Variants in ZNF236 observed in about 807,000 individuals in gnomAD.
ZNF236 encodes the protein regulated by glucose.
ZNF236 carries 50 observed loss-of-function variants against 191.2 expected under a neutral mutation model. That is an observed-to-expected ratio of 0.26 (90% CI 0.21 to 0.33). The LOEUF is 0.33. ZNF236 is among the 10% of genes least tolerant of loss of function. The pLI, the probability that ZNF236 is intolerant of heterozygous loss-of-function variation, is 1.00. For synonymous variants in ZNF236, 907 were observed against 928.8 expected (o/e 0.98, Z 0.43); for missense variants, 1,754 against 2,374.5 (o/e 0.74, Z 5.43).
chr18:76,824,031 C>A, intron 1 of ZNF236: 4 of 363,888 alleles, frequency 1.1e-5, no homozygotes, highest in Middle Eastern at 8.4e-4. Context: ...TATACCTTGA[C>A]TGCCGTTGAT....
Position 76,946,917 on chromosome 18 carries a change from A to G in ZNF236, c.4783-604A>G, listed in dbSNP as rs922565979. 3.9e-5 allele frequency among the ~76,000 whole-genome samples: 6 copies of G among 152,252 alleles called. No homozygotes were observed. The East Asian group carries it at 9.6e-4, about 24-fold the overall frequency. ...TTCACCTAATTATTTAAAGTATACAATTGAATGGTTTTCAGTGTATTTACA... is the reference window on the plus strand; with the variant it reads ...TTCACCTAATTATTTAAAGTATACAGTTGAATGGTTTTCAGTGTATTTACA... On this transcript the variant is annotated intron_variant, in intron 26 of 30. Coordinates refer to ENST00000320610, the MANE Select transcript of ZNF236 (RefSeq NM_001306089.2).
At chr18:76,939,233 TGAGGCAA>T (rs2122885855) in intron 26 of ZNF236, among the ~76,000 whole-genome samples, 1 of 152,248 alleles carries the variant, frequency 6.6e-6, no homozygotes, top group East Asian at 1.9e-4. Context: ...CTTGGGAGTC[TGAGGCAA>T]GAGAATCACT....
At chr18:76,860,479 TC>T (rs1186148246) in intron 3 of ZNF236, among the ~76,000 whole-genome samples, 1 of 152,232 alleles carries the variant, frequency 6.6e-6, no homozygotes, top group African/African-American at 2.4e-5. Flanking sequence ...TTGAAAACCT[TC>T]CCTTCGTCCT....
At chr18:76,914,324 G>T (rs1268553904) in intron 18 of ZNF236, among the ~76,000 whole-genome samples, 1 of 152,158 alleles carries the variant, frequency 6.6e-6, no homozygotes, top group Non-Finnish European at 1.5e-5. Context: ...CCATTCATCG[G>T]GTGATGGACA....
intron 1 of ZNF236, among the ~76,000 whole-genome samples, chr18:76,839,109 C>T (rs1325891374): frequency 6.6e-6 from 1 of 152,244 alleles, no homozygotes; most frequent in East Asian, 1.9e-4. Flanking sequence ...TCTCCTCCAA[C>T]ATATTTGCCC....
Position 76,918,444 on chromosome 18 carries a change from A to G in ZNF236, c.3275-1332A>G, listed in dbSNP as rs560146966. Among the ~76,000 whole-genome samples, 528 of 152,256 alleles carry G rather than the reference A, an allele frequency of 3.5e-3. 4 individuals are homozygous for G. Among genetic ancestry groups the G allele is most frequent in the Admixed American group, 5.4e-3 (82 of 15,284 alleles). On this transcript the variant is annotated intron_variant, in intron 19 of 30. Coordinates refer to ENST00000320610, the MANE Select transcript of ZNF236 (RefSeq NM_001306089.2). The stretch of plus-strand genomic sequence containing the variant: ...GTAAATAGTTTGGGGTTCTTTTGAG[A>G]AACAGGGTCTCACTCTGTCACCCAG...
At chr18:76,824,235 T>A in intron 1 of ZNF236, 1 of 763,208 alleles carries the variant, frequency 1.3e-6, no homozygotes, top group Admixed American at 1.8e-5. Flanking sequence ...CAATGTAAAC[T>A]TATTCATAGG....
intron 27 of ZNF236, 122 bp downstream of exon 27, chr18:76,947,774 G>C: frequency 3.2e-6 from 4 of 1,236,786 alleles, no homozygotes; most frequent in Non-Finnish European, 2.2e-6. Context: ...GCTGACTTCT[G>C]AGGTGTCCCC....
At chr18:76,838,096 C>T (rs1215250504) in intron 1 of ZNF236, among the ~76,000 whole-genome samples, 3 of 152,212 alleles carry the variant, frequency 2.0e-5, no homozygotes. Flanking sequence ...CTCAAATACT[C>T]ATCATCACAT....
chr18:76,955,756 C>T (rs1201028401), intron 27 of ZNF236, among the ~76,000 whole-genome samples: 3 of 152,164 alleles, frequency 2.0e-5, no homozygotes, highest in Admixed American at 6.5e-5. Context: ...AGAGCTCATT[C>T]CTTAGCTGCT....
rs1968890973 is a variant in ZNF236 at position 76,970,492 on chromosome 18, T to G, written c.*2153T>G. 1.3e-5 allele frequency: 2 copies of G among 152,686 alleles called. No homozygotes were observed. Among genetic ancestry groups the G allele is most frequent in the South Asian group, 4.1e-4 (2 of 4,834 alleles). 9.5% of individuals were successfully genotyped at this position (152,686 alleles called of 1,614,324 possible). On this transcript the variant is annotated 3_prime_UTR_variant, in exon 31 of 31. Transcript: ENST00000320610. ...ACTTCCTAATTATAAAAGCTGCTTT[T>G]TTGCAGAACATTCCTTGAAAATATA...
chr18:76,908,183 A>G lies in ZNF236; in HGVS notation c.2298-137A>G. 4 of 1,189,432 alleles carry G rather than the reference A, an allele frequency of 3.4e-6. No homozygotes were observed. The South Asian group carries it at 4.5e-5, about 13-fold the overall frequency. 73.7% of individuals were successfully genotyped at this position (1,189,432 alleles called of 1,614,324 possible). ...ACTAATGTGTTCAGTTTTTACCTGA[A>G]TTGCCATCATGACTTCAAAATGAAA... On this transcript the variant is annotated intron_variant, in intron 13 of 30. Transcript: ENST00000320610.
At chr18:76,854,161 C>T (rs1975971858) in intron 3 of ZNF236, among the ~76,000 whole-genome samples, 1 of 151,998 alleles carries the variant, frequency 6.6e-6, no homozygotes, top group African/African-American at 2.4e-5. Flanking sequence ...TCATGTGGTA[C>T]ACCATAAATA....
chr18:76,968,833 C>G lies in ZNF236; in HGVS notation c.*494C>G, dbSNP rs771970627. The G allele has an allele frequency of 6.5e-5, 64 of 987,220 alleles. 1 individual carries two copies. Among genetic ancestry groups the G allele is most frequent in the Non-Finnish European group, 7.6e-5 (63 of 831,358 alleles). 61.2% of individuals were successfully genotyped at this position (987,220 alleles called of 1,614,324 possible). On this transcript the variant is annotated 3_prime_UTR_variant, in exon 31 of 31. Transcript: ENST00000320610. Reference sequence around the variant, plus strand: ...AGGGAAGTTTTTTCCACTCTTTTCTCTGTGCATTTTGAAAATTAGTCAAAA... The same window carrying G: ...AGGGAAGTTTTTTCCACTCTTTTCTGTGTGCATTTTGAAAATTAGTCAAAA...
At position 76,971,854 on chromosome 18, in the gene ZNF236, G is replaced by A. The variant is rs552479379; in HGVS notation, c.*3515G>A. On this transcript the variant is annotated 3_prime_UTR_variant, in exon 31 of 31. Coordinates refer to ENST00000320610, the MANE Select transcript of ZNF236 (RefSeq NM_001306089.2). ...GTAAGATATATAGAACTGCTTTCTAGTGTATATTAAGGCTATCTCATGCCT... is the reference window on the plus strand; with the variant it reads ...GTAAGATATATAGAACTGCTTTCTAATGTATATTAAGGCTATCTCATGCCT... 6.6e-6 allele frequency among the ~76,000 whole-genome samples: 1 copy of A among 152,322 alleles called. No individual in the cohort carries two copies. The highest frequency in any genetic ancestry group is 2.1e-4 in the South Asian group (1 of 4,830).
intron 30 of ZNF236, among the ~76,000 whole-genome samples, chr18:76,965,938 C>T (rs1255895717): frequency 1.3e-5 from 2 of 152,200 alleles, no homozygotes; most frequent in Non-Finnish European, 2.9e-5. Context: ...GGGCGGGGCC[C>T]TAGACCTCCC....
intron 1 of ZNF236, among the ~76,000 whole-genome samples, chr18:76,843,449 A>C (rs1975572031): frequency 6.6e-6 from 1 of 152,198 alleles, no homozygotes; most frequent in Non-Finnish European, 1.5e-5. Flanking sequence ...TGGCAGGAGC[A>C]GTAGAAACAG....
chr18:76,892,009 G>C (rs74599176), intron 9 of ZNF236, among the ~76,000 whole-genome samples: 9 of 151,912 alleles, frequency 5.9e-5, no homozygotes, highest in Non-Finnish European at 1.3e-4. Context: ...AAAAACTTTA[G>C]TTCCAAAAAA....
chr18:76,935,208 G>T (rs1476837947), intron 25 of ZNF236, among the ~76,000 whole-genome samples: 1 of 152,120 alleles, frequency 6.6e-6, no homozygotes, highest in Non-Finnish European at 1.5e-5. Context: ...GCTTTTTTCT[G>T]CTCTAGTCAT....
Sources: gnomAD v4.1 joint callset for allele counts (sites outside exome capture counted in the v4.1 genomes callset) on GRCh38, gnomAD v4.1.1 for gene constraint, MANE v1.5 for transcripts, NCBI Gene and HGNC (gene_info 2026-07-23, HGNC 2026-07-21) for gene names.